The following NADSYN1 variants were observed in gnomAD, a reference collection of about 807,000 sequenced individuals.
The protein encoded by NADSYN1 is glutamine-dependent NAD(+) synthetase.
NADSYN1 carries 80 observed loss-of-function variants against 99.3 expected under a neutral mutation model. The observed-to-expected ratio is 0.81, with a 90% confidence interval of 0.67 to 0.97. NADSYN1 has a LOEUF of 0.97. Ranked by LOEUF, NADSYN1 falls within the 50% of genes least tolerant of loss-of-function variation. NADSYN1 has a pLI of 0.00. For synonymous variants in NADSYN1, 385 were observed against 372.1 expected (o/e 1.03, Z -0.40); for missense variants, 859 against 948.5 (o/e 0.91, Z 1.24).
chr11:71,501,347 G>A lies in NADSYN1; in HGVS notation c.2116G>A (p.Asp706Asn). Reference protein sequence around the residue: ...RAEPQSLDGVD With the variant: ...RAEPQSLDGVN Reference sequence around the variant, plus strand: ...AGAGCCACAGTCCCTGGACGGCGTGGACTGAGGCCGGTTCCTTCCTGGAGG... The same window carrying A: ...AGAGCCACAGTCCCTGGACGGCGTGAACTGAGGCCGGTTCCTTCCTGGAGG... Residue 706 changes from aspartate (D) to asparagine (N), a missense_variant, in exon 21 of 21, where the codon GAC becomes AAC. Coordinates refer to ENST00000319023, the MANE Select transcript of NADSYN1 (RefSeq NM_018161.5). 1 of 1,605,754 alleles carries A rather than the reference G, an allele frequency of 6.2e-7. No homozygotes were observed. Among genetic ancestry groups the A allele is most frequent in the Non-Finnish European group, 8.5e-7 (1 of 1,176,518 alleles).
At chr11:71,473,789 A>T in intron 8 of NADSYN1, 103 bp downstream of exon 8, 3 of 856,636 alleles carry the variant, frequency 3.5e-6, no homozygotes, top group Non-Finnish European at 5.7e-6. Context: ...CACACAATGG[A>T]TGTTCCAGGC....
chr11:71,473,613 A>G lies in NADSYN1; in HGVS notation c.593A>G (p.Asn198Ser), dbSNP rs1949644061. ...CTGGATGGCGTGGAGATCATCACCA[A>G]CGCCTCGGGCAGCCACCAAGTGCTG... ...MGLDGVEIIT[N>S]ASGSHQVLRK... is the part of the protein sequence containing the mutation. The change falls in exon 8 of 21, where the codon AAC (asparagine) becomes AGC (serine). Residue 198 changes from asparagine (N) to serine (S), a missense_variant. Asn to Ser is a conservative substitution (Grantham distance 46). Coordinates refer to ENST00000319023, the MANE Select transcript of NADSYN1 (RefSeq NM_018161.5). The G allele has an allele frequency of 1.9e-6, 3 of 1,612,924 alleles. No individual in the cohort carries two copies. Among genetic ancestry groups the G allele is most frequent in the African/African-American group, 1.3e-5 (1 of 74,916 alleles).
intron 16 of NADSYN1, among the ~76,000 whole-genome samples, chr11:71,489,915 G>C (rs998494683): frequency 2.0e-5 from 3 of 152,210 alleles, no homozygotes; most frequent in Non-Finnish European, 4.4e-5. Flanking sequence ...TGGAGGAGAT[G>C]GGTGGTCAGC....
chr11:71,471,694 G>A (rs1949628172), intron 5 of NADSYN1, among the ~76,000 whole-genome samples: 1 of 152,204 alleles, frequency 6.6e-6, no homozygotes, highest in Non-Finnish European at 1.5e-5. Context: ...GAGGCAGCCT[G>A]CAGTTCTGTA....
At chr11:71,471,953 T>C (rs1486029679) in intron 5 of NADSYN1, among the ~76,000 whole-genome samples, 1 of 149,822 alleles carries the variant, frequency 6.7e-6, no homozygotes, top group African/African-American at 2.4e-5. Flanking sequence ...TTGGTGGAGC[T>C]TCTTGGGACA....
intron 5 of NADSYN1, chr11:71,464,402 G>C (rs1327305391): frequency 2.4e-6 from 1 of 408,616 alleles, no homozygotes; most frequent in African/African-American, 2.0e-5. Context: ...ACAATGTCCC[G>C]GGGTTTAAAT....
At chr11:71,497,741 G>C in intron 19 of NADSYN1, 130 bp downstream of exon 19, 2 of 1,227,712 alleles carry the variant, frequency 1.6e-6, no homozygotes, top group Non-Finnish European at 2.3e-6. Context: ...ATCTCACACA[G>C]TAACACTTTT....
intron 8 of NADSYN1, among the ~76,000 whole-genome samples, 166 bp downstream of exon 8, chr11:71,473,852 C>T (rs912024171): frequency 3.3e-5 from 5 of 152,178 alleles, no homozygotes; most frequent in African/African-American, 7.2e-5. Context: ...TCCAGGGCTT[C>T]GCCGGCACAG....
chr11:71,485,574 T>G lies in NADSYN1; in HGVS notation c.1488T>G (p.Phe496Leu). Residue 496 changes from phenylalanine to leucine, a missense_variant, in exon 16 of 21, where the codon TTT (phenylalanine) becomes TTG (leucine). Physicochemically the swap from Phe to Leu is conservative, Grantham distance 22 (BLOSUM62 0). Transcript: ENST00000319023. ...TACGGATGGTCCTCGCCTATCTGTT[T>G]GCTCAGTTGAGCCTCTGGTCTCGGG... ...ARIRMVLAYL[F>L]AQLSLWSRGV... is the part of the protein sequence containing the mutation. The G allele has an allele frequency of 6.4e-7, 1 of 1,562,538 alleles. No individual in the cohort carries two copies. Among genetic ancestry groups the G allele is most frequent in the Non-Finnish European group, 8.7e-7 (1 of 1,152,582 alleles).
At chr11:71,462,520 C>G (rs1949557160) in intron 3 of NADSYN1, among the ~76,000 whole-genome samples, 1 of 152,120 alleles carries the variant, frequency 6.6e-6, no homozygotes, top group Non-Finnish European at 1.5e-5. Context: ...GAAATGTGTA[C>G]AAGCAGGCTG....
At position 71,473,261 on chromosome 11, in the gene NADSYN1, T is replaced by C. The variant is rs555383679; in HGVS notation, c.460-17T>C. 22 of 1,612,818 alleles carry C rather than the reference T, an allele frequency of 1.4e-5. 1 individual carries two copies. Among genetic ancestry groups the C allele is most frequent in the African/African-American group, 1.1e-4 (8 of 75,040 alleles). ...CATGGCTAGTGAATCTCATGCACTC[T>C]TCTCTTCCGACTGCAGGAAACCGTA... On this transcript the variant is annotated splice_polypyrimidine_tract_variant and intron_variant, in intron 6 of 20. Coordinates refer to ENST00000319023, the MANE Select transcript of NADSYN1 (RefSeq NM_018161.5).
chr11:71,483,304 T>C (rs1949721259), intron 14 of NADSYN1, among the ~76,000 whole-genome samples: 2 of 152,146 alleles, frequency 1.3e-5, no homozygotes, highest in African/African-American at 4.8e-5. Flanking sequence ...TCAGGGAAGC[T>C]GTGTGTGAGT....
intron 5 of NADSYN1, among the ~76,000 whole-genome samples, chr11:71,468,999 G>A (rs530395068): frequency 1.3e-5 from 2 of 152,320 alleles, no homozygotes; most frequent in Non-Finnish European, 2.9e-5. Flanking sequence ...GAGATTGCCT[G>A]TGTGTGTGAA....
chr11:71,501,358 G>T lies in NADSYN1; in HGVS notation c.*6G>T. ...CCCTGGACGGCGTGGACTGAGGCCG[G>T]TTCCTTCCTGGAGGCCTCCTGTCCT... On this transcript the variant is annotated 3_prime_UTR_variant, in exon 21 of 21. Transcript: ENST00000319023. The T allele has an allele frequency of 6.2e-7, 1 of 1,601,922 alleles. No individual in the cohort carries two copies. Among genetic ancestry groups the T allele is most frequent in the Non-Finnish European group, 8.5e-7 (1 of 1,174,678 alleles).
chr11:71,460,484 G>A (rs1186369134), intron 3 of NADSYN1, among the ~76,000 whole-genome samples: 21 of 152,094 alleles, frequency 1.4e-4, no homozygotes, highest in Non-Finnish European at 2.4e-4. Flanking sequence ...CTGAGTACCC[G>A]GGACTACAGG....
chr11:71,455,521 A>G (rs186218369), intron 2 of NADSYN1: 123 of 256,416 alleles, frequency 4.8e-4, no homozygotes, highest in African/African-American at 2.5e-3. Flanking sequence ...TGATGGAATT[A>G]AGAGATGAGG....
chr11:71,467,919 T>C (rs1416673475), intron 5 of NADSYN1, among the ~76,000 whole-genome samples: 1 of 152,176 alleles, frequency 6.6e-6, no homozygotes, highest in Non-Finnish European at 1.5e-5. Context: ...GAAACATTCT[T>C]GTGAAACCGC....
chr11:71,495,685 T>C (rs1949814265), intron 18 of NADSYN1, among the ~76,000 whole-genome samples: 1 of 152,248 alleles, frequency 6.6e-6, no homozygotes, highest in Non-Finnish European at 1.5e-5. Flanking sequence ...GCTCACTTCA[T>C]GGGAAAGAAA....
intron 11 of NADSYN1, 40 bp from the exon 12 acceptor site, chr11:71,481,316 G>T: frequency 1.2e-6 from 2 of 1,610,808 alleles, no homozygotes; most frequent in East Asian, 4.5e-5. Context: ...TGTGGGCAGG[G>T]GCCACCGCCT....
Sources: allele counts gnomAD v4.1 joint callset (sites outside exome capture counted in the v4.1 genomes callset), GRCh38; gene constraint gnomAD v4.1.1; transcripts MANE v1.5; gene names NCBI Gene and HGNC (gene_info 2026-07-23, HGNC 2026-07-21).